The following AGTPBP1 variants were observed in gnomAD, a reference collection of about 807,000 sequenced individuals.
AGTPBP1 encodes ATP/GTP binding carboxypeptidase 1, also known as cytosolic carboxypeptidase 1.
A neutral mutation model predicts 143.9 loss-of-function variants in AGTPBP1; 70 were observed. The ratio of observed to expected loss-of-function variants is 0.49; its 90% CI spans 0.40 to 0.59. The LOEUF (loss-of-function observed/expected upper bound fraction) is 0.59. Among genes scored for constraint, AGTPBP1 ranks in the 20% least tolerant of loss-of-function variants. The pLI is 0.00. For missense variants in AGTPBP1, 1,229 were observed against 1,464.5 expected (o/e 0.84, Z 2.62); for synonymous variants, 463 against 500.2 (o/e 0.93, Z 0.99).
At chr9:85,573,295 G>A (rs1031413098) in intron 25 of AGTPBP1, among the ~76,000 whole-genome samples, 4 of 152,290 alleles carry the variant, frequency 2.6e-5, no homozygotes, top group African/African-American at 9.6e-5. Context: ...TGGTGGAGAC[G>A]GGGTTTCGCT....
In AGTPBP1 at chr9:85,675,143, A is replaced by T. The variant is rs113149361; in HGVS notation, c.436+2293T>A. ...AAACTCCTGACCTCGTGATCTGCCC[A>T]CCTTGGCCTCTCAAAGTGCTGGGAT... is the stretch of plus-strand genomic sequence containing the variant. On this transcript the variant is annotated intron_variant, in intron 6 of 25. Coordinates refer to ENST00000357081, the MANE Select transcript of AGTPBP1 (RefSeq NM_001330701.2). Among the ~76,000 whole-genome samples the T allele has an allele frequency of 2.4e-4, 37 of 152,098 alleles. No individual in the cohort carries two copies. The East Asian group carries it at 6.4e-3, about 26-fold the overall frequency.
intron 25 of AGTPBP1, among the ~76,000 whole-genome samples, chr9:85,574,975 C>T (rs998329950): frequency 1.3e-5 from 2 of 152,200 alleles, no homozygotes; most frequent in Non-Finnish European, 2.9e-5. Flanking sequence ...TCCCAAAGTG[C>T]TGGGATTACA....
chr9:85,729,885 A>G (rs1198682552), intron 1 of AGTPBP1, among the ~76,000 whole-genome samples: 3 of 152,196 alleles, frequency 2.0e-5, no homozygotes, highest in Non-Finnish European at 4.4e-5. Context: ...GAGACCTAAA[A>G]GTTATTTCAC....
intron 13 of AGTPBP1, among the ~76,000 whole-genome samples, chr9:85,639,365 G>GCACA (rs1464649514): frequency 1.4e-4 from 15 of 105,586 alleles, no homozygotes; most frequent in Admixed American, 1.2e-3. Context: ...GCGCGCGCAC[G>GCACA]CGCACACACA....
chr9:85,589,030 G>GA (rs138229474), intron 20 of AGTPBP1, among the ~76,000 whole-genome samples: 13,280 of 151,926 alleles, frequency 0.087, 1,394 homozygotes, highest in African/African-American at 0.25. Context: ...TCTGTTTCCT[G>GA]AAATACTTCG....
chr9:85,574,466 A>C (rs78032129), intron 25 of AGTPBP1, among the ~76,000 whole-genome samples: 1 of 99,402 alleles, frequency 1.0e-5, no homozygotes, highest in Non-Finnish European at 1.9e-5. Context: ...GAATGATCAA[A>C]AAAAAAAAAA....
intron 25 of AGTPBP1, among the ~76,000 whole-genome samples, chr9:85,562,280 C>G (rs1213665245): frequency 4.0e-5 from 6 of 149,976 alleles, no homozygotes; most frequent in Admixed American, 4.0e-4. Context: ...AAATAATAAT[C>G]TGGTAGATTT....
At chr9:85,630,224 C>G (rs1266899518) in intron 14 of AGTPBP1, among the ~76,000 whole-genome samples, 14 of 152,138 alleles carry the variant, frequency 9.2e-5, no homozygotes, top group Non-Finnish European at 1.8e-4. Context: ...TGCCAAGGCA[C>G]AATGAGATAT....
At chr9:85,720,843 C>T (rs1838061052) in intron 1 of AGTPBP1, among the ~76,000 whole-genome samples, 1 of 152,294 alleles carries the variant, frequency 6.6e-6, no homozygotes, top group East Asian at 1.9e-4. Flanking sequence ...AAATGTGTCC[C>T]AGAGATTCTG....
At chr9:85,624,565 A>C (rs907246981) in intron 14 of AGTPBP1, among the ~76,000 whole-genome samples, 1 of 152,124 alleles carries the variant, frequency 6.6e-6, no homozygotes, top group Non-Finnish European at 1.5e-5. Context: ...CAATACTTCC[A>C]CTATTGCCTC....
At chr9:85,595,123 A>C (rs1036890105) in intron 18 of AGTPBP1, among the ~76,000 whole-genome samples, 7 of 152,236 alleles carry the variant, frequency 4.6e-5, no homozygotes, top group Admixed American at 1.3e-4. Context: ...TTTGCTAATA[A>C]GAGTAAGGAA....
At chr9:85,689,632 C>G (rs1461705125) in intron 3 of AGTPBP1, among the ~76,000 whole-genome samples, 1 of 151,964 alleles carries the variant, frequency 6.6e-6, no homozygotes, top group Non-Finnish European at 1.5e-5. Context: ...CAGTGGCTCA[C>G]GCCTGTAATC....
At chr9:85,567,388 C>G (rs1023310852) in intron 25 of AGTPBP1, among the ~76,000 whole-genome samples, 21 of 152,026 alleles carry the variant, frequency 1.4e-4, no homozygotes, top group African/African-American at 4.8e-4. Flanking sequence ...GTCAGGAGTT[C>G]AAGACCAGCC....
the AGTPBP1 span, among the ~76,000 whole-genome samples, chr9:85,779,611 C>T: frequency 2.0e-5 from 3 of 152,192 alleles, no homozygotes; most frequent in African/African-American, 7.2e-5. Context: ...CTCTCACAGA[C>T]ACACTCAATA....
chr9:85,708,876 A>G (rs963108238), intron 2 of AGTPBP1, among the ~76,000 whole-genome samples: 1 of 152,062 alleles, frequency 6.6e-6, no homozygotes, highest in African/African-American at 2.4e-5. Context: ...AGAAAATTCC[A>G]AGACAAGGTG....
At chr9:85,771,590 G>A in the AGTPBP1 span, among the ~76,000 whole-genome samples, 1 of 152,050 alleles carries the variant, frequency 6.6e-6, no homozygotes, top group Non-Finnish European at 1.5e-5. Context: ...ATTGATGAGA[G>A]TGCATCCTAT....
chr9:85,661,935 C>A (rs1403475791), intron 8 of AGTPBP1, among the ~76,000 whole-genome samples: 5 of 152,130 alleles, frequency 3.3e-5, no homozygotes, highest in Non-Finnish European at 7.4e-5. Flanking sequence ...ACCACAGTAG[C>A]AAGTTCTTCG....
chr9:85,768,650 A>C, the AGTPBP1 span, among the ~76,000 whole-genome samples: 1 of 152,184 alleles, frequency 6.6e-6, no homozygotes, highest in African/African-American at 2.4e-5. Context: ...ATATTATTTT[A>C]TTCCTTATGG....
At chr9:85,630,753 T>C (rs997041714) in intron 14 of AGTPBP1, among the ~76,000 whole-genome samples, 4 of 151,962 alleles carry the variant, frequency 2.6e-5, no homozygotes, top group African/African-American at 7.3e-5. Flanking sequence ...GTGCTGGGAT[T>C]AGAGGGGTGA....
Sources: allele counts gnomAD v4.1 joint callset (sites outside exome capture counted in the v4.1 genomes callset), GRCh38; gene constraint gnomAD v4.1.1; transcripts MANE v1.5; gene names NCBI Gene and HGNC (gene_info 2026-07-23, HGNC 2026-07-21).